Variants in SYT2 observed in about 807,000 individuals in gnomAD.
SYT2 encodes the protein synaptotagmin 2.
In SYT2, 15 loss-of-function variants were observed where a neutral mutation model predicts 39.9. The ratio of observed to expected loss-of-function variants is 0.38; its 90% confidence interval spans 0.25 to 0.58. The LOEUF is 0.58. SYT2 is among the 20% of genes least tolerant of loss of function. The probability of loss-of-function intolerance (pLI) is 0.70; values close to 1 mark genes in which losing one functional copy is unlikely to be tolerated. For missense variants in SYT2, 389 were observed against 530.3 expected (o/e 0.73, Z 2.62); for synonymous variants, 181 against 204.5 (o/e 0.89, Z 0.98).
At chr1:202,609,023 C>T (rs1209682499) in intron 1 of SYT2, among the ~76,000 whole-genome samples, 1 of 128,428 alleles carries the variant, frequency 7.8e-6, no homozygotes, top group Non-Finnish European at 1.6e-5. Context: ...GCTAACCCTC[C>T]ACCCTCCCCC....
chr1:202,695,103 C>T (rs779369143), intron 1 of SYT2, among the ~76,000 whole-genome samples: 1 of 152,094 alleles, frequency 6.6e-6, no homozygotes, highest in African/African-American at 2.4e-5. Flanking sequence ...GCCTTTGTGA[C>T]CTTATGAACC....
At chr1:202,621,858 A>G (rs947032368) in intron 1 of SYT2, among the ~76,000 whole-genome samples, 21 of 152,382 alleles carry the variant, frequency 1.4e-4, no homozygotes, top group African/African-American at 4.8e-4. Flanking sequence ...GACTGCCTCC[A>G]AAATGGGATC....
At chr1:202,660,772 C>T (rs77186822) in intron 1 of SYT2, among the ~76,000 whole-genome samples, 3,431 of 152,200 alleles carry the variant, frequency 0.023, 103 homozygotes, top group East Asian at 0.16. Flanking sequence ...TATAAGCCAC[C>T]GCGTCATGCC....
intron 1 of SYT2, among the ~76,000 whole-genome samples, chr1:202,706,984 A>G (rs182501778): frequency 2.0e-5 from 3 of 152,338 alleles, no homozygotes; most frequent in Admixed American, 1.3e-4. Context: ...AGCTTCCTAC[A>G]TACCTTCATA....
intron 1 of SYT2, among the ~76,000 whole-genome samples, chr1:202,694,814 C>T (rs1056514858): frequency 1.1e-4 from 17 of 151,940 alleles, no homozygotes; most frequent in African/African-American, 3.4e-4. Context: ...CTCTCCCCTC[C>T]GACACTTTAA....
Position 202,680,622 on chromosome 1 carries a change from AAGAG to A in SYT2, c.-18+29632_-18+29635del, listed in dbSNP as rs542091285. ...GAATGAGAAGGTGCCCAAGGGGAGA[AAGAG>A]AGAGTTACCCCAAATCCTACTTAAC... On this transcript the variant is annotated intron_variant, in intron 1 of 8. Coordinates refer to ENST00000367268, the MANE Select transcript of SYT2 (RefSeq NM_177402.5). Among the ~76,000 whole-genome samples, 5 of 152,052 alleles carry A rather than the reference AAGAG, an allele frequency of 3.3e-5. No individual in the cohort carries two copies. In the East Asian group the frequency reaches 5.8e-4, roughly 18 times the overall value.
chr1:202,675,584 A>T (rs903166948), intron 1 of SYT2, among the ~76,000 whole-genome samples: 1 of 152,130 alleles, frequency 6.6e-6, no homozygotes, highest in Non-Finnish European at 1.5e-5. Context: ...CCACATGTGG[A>T]TATGTGCACT....
chr1:202,662,752 A>AACAGT (rs1692406942), intron 1 of SYT2, among the ~76,000 whole-genome samples: 1 of 152,246 alleles, frequency 6.6e-6, no homozygotes, highest in South Asian at 2.1e-4. Context: ...CTATCTGAGT[A>AACAGT]GCCTTGGGCA....
At chr1:202,702,935 T>G (rs1276802015) in intron 1 of SYT2, among the ~76,000 whole-genome samples, 2 of 152,134 alleles carry the variant, frequency 1.3e-5, no homozygotes, top group East Asian at 1.9e-4. Flanking sequence ...CTCACAGCTC[T>G]CCTCTAATCT....
At chr1:202,645,203 G>C (rs984617410) in intron 1 of SYT2, among the ~76,000 whole-genome samples, 7 of 152,024 alleles carry the variant, frequency 4.6e-5, no homozygotes. Flanking sequence ...GAGGGCACCA[G>C]GGGTTTCCCC....
intron 1 of SYT2, among the ~76,000 whole-genome samples, chr1:202,692,643 T>C (rs1653865831): frequency 1.3e-5 from 2 of 152,254 alleles, no homozygotes; most frequent in Admixed American, 1.3e-4. Flanking sequence ...CTCCTCATTT[T>C]ACAGATGAAA....
chr1:202,672,961 A>G (rs1016949850), intron 1 of SYT2, among the ~76,000 whole-genome samples: 1 of 151,952 alleles, frequency 6.6e-6, no homozygotes, highest in Admixed American at 6.6e-5. Context: ...AAAAAGTCTT[A>G]AAAATGTAGA....
rs78939535 is a variant in SYT2, at chr1:202,601,652, C to T, written c.801+238G>A. 5.0e-3 allele frequency among the ~76,000 whole-genome samples: 759 copies of T among 152,284 alleles called. 8 individuals are homozygous for T. Among genetic ancestry groups the T allele is most frequent in the African/African-American group, 0.018 (730 of 41,548 alleles). On this transcript the variant is annotated intron_variant, in intron 6 of 8. Transcript: ENST00000367268. This position sits in a 1 kb window ranked among gnomAD's most constrained non-coding sequence, Gnocchi z 4.0. ...AGTACCTACCAAATACCAGTCGCTG[C>T]GCTAGGCGCTTTATGCAGGTAATGA...
At chr1:202,679,891 A>T (rs1270095207) in intron 1 of SYT2, among the ~76,000 whole-genome samples, 2 of 152,084 alleles carry the variant, frequency 1.3e-5, no homozygotes, top group African/African-American at 2.4e-5. Context: ...ATGCTGTGCC[A>T]CACTTTTCTA....
At chr1:202,673,024 C>T (rs1458602198) in intron 1 of SYT2, among the ~76,000 whole-genome samples, 1 of 152,052 alleles carries the variant, frequency 6.6e-6, no homozygotes, top group Non-Finnish European at 1.5e-5. Context: ...CCAGCTGTCT[C>T]ACAATATCCA....
At chr1:202,648,328 GCA>G (rs1692130020) in intron 1 of SYT2, among the ~76,000 whole-genome samples, 1 of 152,060 alleles carries the variant, frequency 6.6e-6, no homozygotes, top group Non-Finnish European at 1.5e-5. Context: ...CTACAGGCAT[GCA>G]CCACCATGCC....
At chr1:202,639,793 G>A (rs1691849077) in intron 1 of SYT2, 1 of 985,348 alleles carries the variant, frequency 1.0e-6, no homozygotes, top group Non-Finnish European at 1.2e-6. Context: ...GGAGCCTGAG[G>A]CCAGTGCGCA....
At chr1:202,650,412 C>T (rs1558448696) in intron 1 of SYT2, among the ~76,000 whole-genome samples, 3 of 150,974 alleles carry the variant, frequency 2.0e-5, no homozygotes, top group Admixed American at 6.6e-5. Flanking sequence ...TCTTTGGGGT[C>T]TGCCAAACAT....
At chr1:202,645,162 G>A (rs1692054121) in intron 1 of SYT2, among the ~76,000 whole-genome samples, 2 of 152,106 alleles carry the variant, frequency 1.3e-5, no homozygotes, top group South Asian at 4.2e-4. Flanking sequence ...GGGGACCTGG[G>A]GTAAAGGGCT....
Sources: gnomAD v4.1 joint callset for allele counts (sites outside exome capture counted in the v4.1 genomes callset) on GRCh38, gnomAD v4.1.1 for gene constraint, Gnocchi (gnomAD v3.1) non-coding constraint, MANE v1.5 for transcripts, NCBI Gene and HGNC (gene_info 2026-07-23, HGNC 2026-07-21) for gene names.